DLGAP3: variants seen among roughly 807,000 people sequenced by gnomAD.
DLGAP3 encodes disks large-associated protein 3.
DLGAP3 carries 17 observed loss-of-function variants against 81.2 expected under a neutral mutation model. The ratio of observed to expected loss-of-function variants is 0.21; its 90% CI spans 0.14 to 0.31. DLGAP3 has a LOEUF of 0.31. DLGAP3 is among the 10% of genes least tolerant of loss of function. The pLI is 1.00. For missense variants in DLGAP3, 1,124 were observed against 1,388.0 expected (o/e 0.81, Z 3.02); for synonymous variants, 577 against 587.4 (o/e 0.98, Z 0.26).
chr1:34,869,923 G>C (rs1478867542), intron 8 of DLGAP3, among the ~76,000 whole-genome samples: 1 of 152,172 alleles, frequency 6.6e-6, no homozygotes, highest in East Asian at 1.9e-4. Context: ...AGCGCTGCTG[G>C]GCTCCACAGT....
intron 8 of DLGAP3, among the ~76,000 whole-genome samples, chr1:34,884,726 T>G (rs972380007): frequency 6.6e-6 from 1 of 152,166 alleles, no homozygotes; most frequent in African/African-American, 2.4e-5. Flanking sequence ...TCCCTGCAAC[T>G]GCTGTGTATC....
At chr1:34,872,743 C>T (rs1304403910) in intron 8 of DLGAP3, among the ~76,000 whole-genome samples, 2 of 152,294 alleles carry the variant, frequency 1.3e-5, no homozygotes, top group Admixed American at 1.3e-4. Flanking sequence ...CCTAGGGACT[C>T]AACCCACCAC....
At chr1:34,898,685 T>C (rs1255348680) in intron 5 of DLGAP3, among the ~76,000 whole-genome samples, 3 of 152,118 alleles carry the variant, frequency 2.0e-5, no homozygotes, top group Middle Eastern at 3.2e-3. Context: ...AAAGGGAAAG[T>C]GGGGCTCAAA....
At chr1:34,926,444 T>G in intron 1 of DLGAP3, among the ~76,000 whole-genome samples, 1 of 152,116 alleles carries the variant, frequency 6.6e-6, no homozygotes. Flanking sequence ...GCCTTCAGAC[T>G]GGGGAGGGGC....
chr1:34,908,117 C>G (rs1203941613), intron 1 of DLGAP3, among the ~76,000 whole-genome samples: 3 of 152,226 alleles, frequency 2.0e-5, no homozygotes, highest in African/African-American at 7.2e-5. Context: ...ATCTCCTCAC[C>G]TAGAATGTGG....
intron 1 of DLGAP3, among the ~76,000 whole-genome samples, chr1:34,916,598 T>C (rs752521097): frequency 1.3e-5 from 2 of 152,220 alleles, no homozygotes; most frequent in Non-Finnish European, 2.9e-5. Context: ...TGAATCTGAG[T>C]CTGGGTCCAG....
At position 34,904,118 on chromosome 1, in the gene DLGAP3, G is replaced by T. The variant is rs1439100265; in HGVS notation, c.1107+159C>A. On this transcript the variant is annotated intron_variant, in intron 3 of 11. Coordinates refer to ENST00000373347, the MANE Select transcript of DLGAP3 (RefSeq NM_001080418.3). This position sits in a 1 kb window ranked among gnomAD's most constrained non-coding sequence, Gnocchi z 8.1. The stretch of plus-strand genomic sequence containing the variant: ...AAATGGGGAAAGTGAAGCCCCAAAG[G>T]AGCTCAGAGTGACCCAATGGGGCAG... Among the ~76,000 whole-genome samples the T allele has an allele frequency of 6.6e-6, 1 of 152,192 alleles. No individual in the cohort carries two copies. The highest frequency in any genetic ancestry group is 1.5e-5 in the Non-Finnish European group (1 of 68,028).
intron 5 of DLGAP3, 39 bp from the exon 6 acceptor site, chr1:34,886,324 C>A (rs374857788): frequency 6.6e-7 from 1 of 1,520,404 alleles, no homozygotes; most frequent in Admixed American, 2.0e-5. Flanking sequence ...TATAAGGTGC[C>A]GGGAGGGGGT....
At chr1:34,869,480 ATTTTTTTTTTTTTT>A (rs71029050) in intron 8 of DLGAP3, among the ~76,000 whole-genome samples, 1 of 69,280 alleles carries the variant, frequency 1.4e-5, no homozygotes, top group Non-Finnish European at 2.8e-5. Context: ...AGATATTTCA[ATTTTTTTTTTTTTT>A]TTTTTTTTTT....
At chr1:34,875,222 T>C (rs576412186) in intron 8 of DLGAP3, among the ~76,000 whole-genome samples, 46 of 152,136 alleles carry the variant, frequency 3.0e-4, no homozygotes, top group African/African-American at 1.1e-3. Context: ...CTTCCCAAAC[T>C]CCCAAAGCTA....
chr1:34,916,947 C>T (rs1639728319), intron 1 of DLGAP3, among the ~76,000 whole-genome samples: 1 of 152,164 alleles, frequency 6.6e-6, no homozygotes, highest in South Asian at 2.1e-4. Context: ...ATCTGCCCGC[C>T]TCAGCTTCCC....
intron 1 of DLGAP3, among the ~76,000 whole-genome samples, chr1:34,920,752 C>A (rs1290463840): frequency 1.3e-5 from 2 of 152,190 alleles, no homozygotes; most frequent in African/African-American, 4.8e-5. Flanking sequence ...GTATCGACTG[C>A]CTACTCCAAG....
In DLGAP3 at chr1:34,866,254, G is replaced by T. The variant is rs769989521; in HGVS notation, c.2769C>A (p.Gly923=). 5.8e-6 allele frequency: 9 copies of T among 1,560,596 alleles called. No homozygotes were observed. Among genetic ancestry groups the T allele is most frequent in the Non-Finnish European group, 7.8e-6 (9 of 1,155,524 alleles). Residue 923 remains glycine (G), a synonymous_variant, in exon 12 of 12, where the codon GGC becomes GGA. Transcript: ENST00000373347. ...PPPIPKKPLR[G]RGVPVKERSL... ...AGCGCTCCTTCACCGGCACGCCCCG[G>T]CCCCGCAGGGGCTTCTTTGGTATCG... is the stretch of plus-strand genomic sequence containing the variant.
chr1:34,866,018 G>A lies in DLGAP3; in HGVS notation c.*65C>T. 1 of 1,414,598 alleles carries A rather than the reference G, an allele frequency of 7.1e-7. No individual in the cohort carries two copies. Among genetic ancestry groups the A allele is most frequent in the East Asian group, 2.5e-5 (1 of 40,250 alleles). The allele number at this position is 1,414,598 out of a possible 1,614,324, so 87.6% of individuals were successfully genotyped here. ...GGCGGCCCGCGTTCACAGTGACCTCGACGCTGGGTGTACAGTACGGGTGGA... is the reference window on the plus strand; with the variant it reads ...GGCGGCCCGCGTTCACAGTGACCTCAACGCTGGGTGTACAGTACGGGTGGA... On this transcript the variant is annotated 3_prime_UTR_variant, in exon 12 of 12. Transcript: ENST00000373347.
intron 1 of DLGAP3, among the ~76,000 whole-genome samples, chr1:34,918,520 G>A (rs1319118199): frequency 6.6e-6 from 1 of 152,220 alleles, no homozygotes; most frequent in Non-Finnish European, 1.5e-5. Context: ...CCAGCACGTG[G>A]CTAATAGGCT....
intron 5 of DLGAP3, among the ~76,000 whole-genome samples, chr1:34,896,777 G>C (rs1210566528): frequency 6.6e-6 from 1 of 152,148 alleles, no homozygotes; most frequent in Admixed American, 6.6e-5. Context: ...ATTTGGTGGG[G>C]AGAAGAATAA....
At chr1:34,918,274 C>T (rs141350178) in intron 1 of DLGAP3, among the ~76,000 whole-genome samples, 1,881 of 152,328 alleles carry the variant, frequency 0.012, 48 homozygotes, top group African/African-American at 0.041. Context: ...TCCACCCTTC[C>T]GAAGTCCTTC....
chr1:34,870,383 T>C (rs1467089041), intron 8 of DLGAP3, among the ~76,000 whole-genome samples: 1 of 152,172 alleles, frequency 6.6e-6, no homozygotes, highest in African/African-American at 2.4e-5. Flanking sequence ...TGTCCTGAGC[T>C]ACCTCCACCC....
At chr1:34,893,028 C>T (rs1042573868) in intron 5 of DLGAP3, among the ~76,000 whole-genome samples, 4 of 151,564 alleles carry the variant, frequency 2.6e-5, no homozygotes, top group East Asian at 1.9e-4. Flanking sequence ...AAAAATTAGC[C>T]GGGCGCGGTG....
Sources: gnomAD v4.1 joint callset for allele counts (sites outside exome capture counted in the v4.1 genomes callset) on GRCh38, gnomAD v4.1.1 for gene constraint, Gnocchi (gnomAD v3.1) non-coding constraint, MANE v1.5 for transcripts, NCBI Gene and HGNC (gene_info 2026-07-23, HGNC 2026-07-21) for gene names.